The following TACR2 variants were observed in gnomAD, a reference collection of about 807,000 sequenced individuals.
The protein encoded by TACR2 is substance-K receptor.
TACR2 carries 24 observed loss-of-function variants against 28.9 expected under a neutral mutation model. The observed-to-expected ratio is 0.83, with a 90% CI of 0.60 to 1.17. The LOEUF (loss-of-function observed/expected upper bound fraction) is 1.17. Ranked by LOEUF, TACR2 falls within the 50% of genes most tolerant of loss-of-function variation. The pLI is 0.00. For missense variants in TACR2, 487 were observed against 524.4 expected (o/e 0.93, Z 0.70); for synonymous variants, 222 against 212.6 (o/e 1.04, Z -0.38).
chr10:69,406,850 A>C (rs1160126969), intron 4 of TACR2, among the ~76,000 whole-genome samples: 1 of 152,178 alleles, frequency 6.6e-6, no homozygotes, highest in African/African-American at 2.4e-5. Flanking sequence ...TGAGAGCTAC[A>C]GCCTGGGAGA....
At chr10:69,412,865 C>T (rs1019387737) in intron 2 of TACR2, among the ~76,000 whole-genome samples, 25 of 152,200 alleles carry the variant, frequency 1.6e-4, no homozygotes, top group African/African-American at 4.8e-4. Context: ...GAGTTTCACT[C>T]TTGTCGCCCA....
intron 4 of TACR2, 102 bp downstream of exon 4, chr10:69,406,982 C>A: frequency 8.0e-7 from 1 of 1,254,432 alleles, no homozygotes; most frequent in Non-Finnish European, 1.1e-6. Context: ...CCACAGGTTC[C>A]GGCAGGAATG....
At chr10:69,406,951 A>C (rs1277702532) in intron 4 of TACR2, 133 bp downstream of exon 4, 1 of 900,730 alleles carries the variant, frequency 1.1e-6, no homozygotes, top group East Asian at 2.6e-5. Context: ...CGGCTTTCTC[A>C]TGTAGGCTGG....
Position 69,408,922 on chromosome 10 carries a change from C to T in TACR2, c.741G>A (p.Lys247=), listed in dbSNP as rs774840958. 1.7e-5 allele frequency: 25 copies of T among 1,435,684 alleles called. No homozygotes were observed. The South Asian group carries it at 3.3e-4, about 19-fold the overall frequency. 88.9% of individuals were successfully genotyped at this position (1,435,684 alleles called of 1,614,324 possible). ...ANLRHLQAMK[K]FVKTMVLVVL... ...TCCAGGCCCCCGCCCCCGCGCCCAC[C>T]TTCTTCATGGCCTGCAGGTGGCGCA... Residue 247 remains lysine, a splice_region_variant and synonymous_variant, in exon 3 of 5, where the codon AAG becomes AAA. Transcript: ENST00000373306.
chr10:69,405,389 A>C lies in TACR2; in HGVS notation c.939-305T>G, dbSNP rs113200481. Among the ~76,000 whole-genome samples the C allele has an allele frequency of 2.5e-3, 385 of 152,332 alleles. 2 individuals are homozygous for C. The highest frequency in any genetic ancestry group is 7.8e-3 in the African/African-American group (324 of 41,568). On this transcript the variant is annotated intron_variant, in intron 4 of 4. Transcript: ENST00000373306. Reference sequence around the variant, plus strand: ...TTACTAAAAAAACCAACCAACCAACAAACAAACAAAAAAACCAGCAGATGT... The same window carrying C: ...TTACTAAAAAAACCAACCAACCAACCAACAAACAAAAAAACCAGCAGATGT...
chr10:69,405,126 T>G (rs1213710234), intron 4 of TACR2, 42 bp from the exon 5 acceptor site: 5 of 1,558,646 alleles, frequency 3.2e-6, no homozygotes, highest in Admixed American at 1.7e-5. Flanking sequence ...AGTTAGGGGC[T>G]CAGGAGCTGT....
At chr10:69,414,565 A>G (rs1018507725) in intron 2 of TACR2, among the ~76,000 whole-genome samples, 3 of 152,104 alleles carry the variant, frequency 2.0e-5, no homozygotes, top group African/African-American at 7.2e-5. Context: ...TTAGATTTGA[A>G]TCCATAGCTG....
intron 2 of TACR2, 46 bp downstream of exon 2, chr10:69,414,883 ACACACACACACAGACT>A: frequency 1.4e-6 from 2 of 1,478,626 alleles, no homozygotes; most frequent in South Asian, 1.3e-5. Flanking sequence ...GCGTGTGTAC[ACACACACACACAGACT>A]CACACACACA....
chr10:69,409,918 T>TC (rs1564581137), intron 2 of TACR2, among the ~76,000 whole-genome samples: 10 of 40,168 alleles, frequency 2.5e-4, no homozygotes, highest in Non-Finnish European at 4.0e-4. Context: ...TATATATATA[T>TC]ATATATATAT....
At chr10:69,409,797 G>A (rs1840544640) in intron 2 of TACR2, among the ~76,000 whole-genome samples, 1 of 149,768 alleles carries the variant, frequency 6.7e-6, no homozygotes, top group South Asian at 2.1e-4. Flanking sequence ...AGCATCCACC[G>A]GGTGTCTTGG....
intron 3 of TACR2, among the ~76,000 whole-genome samples, chr10:69,408,322 T>C (rs1242000892): frequency 3.3e-5 from 5 of 152,220 alleles, no homozygotes; most frequent in Non-Finnish European, 7.3e-5. Flanking sequence ...TCTGTGGGGC[T>C]TCTCAATTTC....
chr10:69,416,233 A>C lies in TACR2; in HGVS notation c.91T>G (p.Trp31Gly). 1 of 1,613,954 alleles carries C rather than the reference A, an allele frequency of 6.2e-7. No homozygotes were observed. Among genetic ancestry groups the C allele is most frequent in the South Asian group, 1.1e-5 (1 of 91,082 alleles). Residue 31 changes from tryptophan to glycine, a missense_variant, in exon 1 of 5, where the codon TGG (tryptophan) becomes GGG (glycine). By Grantham distance (184) the Trp-to-Gly change is radical. Coordinates refer to ENST00000373306, the MANE Select transcript of TACR2 (RefSeq NM_001057.3). Reference sequence around the variant, plus strand: ...GCTGTGGCCCACAGTGCCAGTTGCCAGCTGGGCATGGAGAAGGCTGTGATG... The same window carrying C: ...GCTGTGGCCCACAGTGCCAGTTGCCCGCTGGGCATGGAGAAGGCTGTGATG... ...TGITAFSMPS[W>G]QLALWATAYL...
chr10:69,407,658 T>C (rs1338685418), intron 3 of TACR2, among the ~76,000 whole-genome samples: 1 of 152,132 alleles, frequency 6.6e-6, no homozygotes, highest in Non-Finnish European at 1.5e-5. Flanking sequence ...CTGTGTCAGC[T>C]ATGCGTTCCC....
Position 69,404,782 on chromosome 10 carries a change from A to G in TACR2, c.*44T>C, listed in dbSNP as rs1840485767. On this transcript the variant is annotated 3_prime_UTR_variant, in exon 5 of 5. Transcript: ENST00000373306. ...TAAGGGATCCATCCCCAATACCCAA[A>G]CACCTCCCACTAACCCCTACCTCCC... 9.3e-7 allele frequency: 1 copy of G among 1,075,674 alleles called. No homozygotes were observed. Among genetic ancestry groups the G allele is most frequent in the Non-Finnish European group, 1.3e-6 (1 of 757,140 alleles). The allele number at this position is 1,075,674 out of a possible 1,614,324, so 66.6% of individuals were successfully genotyped here. A position where few individuals can be genotyped will look rare whatever the true frequency, so the allele number is the denominator to read the frequency against.
rs1250618209 is a variant in TACR2, at chr10:69,408,905, C to A, written c.741+17G>T. 3 of 1,259,562 alleles carry A rather than the reference C, an allele frequency of 2.4e-6. No homozygotes were observed. Among genetic ancestry groups the A allele is most frequent in the Non-Finnish European group, 3.0e-6 (3 of 991,684 alleles). 78.0% of individuals were successfully genotyped at this position (1,259,562 alleles called of 1,614,324 possible). A position where few individuals can be genotyped will look rare whatever the true frequency, so the allele number is the denominator to read the frequency against. On this transcript the variant is annotated intron_variant, in intron 3 of 4. Coordinates refer to ENST00000373306, the MANE Select transcript of TACR2 (RefSeq NM_001057.3). ...CTCCAGGCCCCGCCCCCTCCAGGCC[C>A]CCGCCCCCGCGCCCACCTTCTTCAT...
intron 2 of TACR2, 27 bp downstream of exon 2, chr10:69,414,918 C>T (rs77351317): frequency 0.02 from 32,004 of 1,592,284 alleles, 389 homozygotes; most frequent in Non-Finnish European, 0.022. Flanking sequence ...CACACTGTTG[C>T]CCTCCACAAT....
At chr10:69,409,124 CG>C (rs768974306) in intron 2 of TACR2, 49 bp from the exon 3 acceptor site, 1 of 1,466,874 alleles carries the variant, frequency 6.8e-7, no homozygotes, top group Non-Finnish European at 9.0e-7. Context: ...GGGGCGACTC[CG>C]AAGTCTGCCA....
chr10:69,413,693 G>A (rs1173811244), intron 2 of TACR2, among the ~76,000 whole-genome samples: 1 of 152,224 alleles, frequency 6.6e-6, no homozygotes, highest in Non-Finnish European at 1.5e-5. Context: ...TGGAGACCAG[G>A]CAGGGAGGAT....
At chr10:69,409,927 A>ATATATATATATATG (rs1840554275) in intron 2 of TACR2, among the ~76,000 whole-genome samples, 3 of 74,860 alleles carry the variant, frequency 4.0e-5, no homozygotes, top group Admixed American at 2.9e-4. Flanking sequence ...ATATATATAT[A>ATATATATATATATG]TATATATATA....
Sources: allele counts gnomAD v4.1 joint callset (sites outside exome capture counted in the v4.1 genomes callset), GRCh38; gene constraint gnomAD v4.1.1; transcripts MANE v1.5; gene names NCBI Gene and HGNC (gene_info 2026-07-23, HGNC 2026-07-21).